The following PIEZO1 variants were observed in gnomAD, a reference collection of about 807,000 sequenced individuals.
PIEZO1 encodes the protein piezo type mechanosensitive ion channel component 1 (Er blood group).
Under a neutral mutation model 297.2 loss-of-function variants are expected in PIEZO1, and 296 were observed. The observed-to-expected ratio is 1.00, with a 90% confidence interval of 0.91 to 1.10. The LOEUF is 1.10. PIEZO1 is among the 50% of genes least tolerant of loss of function. PIEZO1 has a pLI of 0.00. For synonymous variants in PIEZO1, 2,427 were observed against 1,507.5 expected (o/e 1.61, Z -14.13); for missense variants, 5,018 against 3,455.5 (o/e 1.45, Z -11.34).
intron 1 of PIEZO1, among the ~76,000 whole-genome samples, chr16:88,763,800 C>T (rs1235163067): frequency 6.6e-6 from 1 of 152,176 alleles, no homozygotes; most frequent in Non-Finnish European, 1.5e-5. Flanking sequence ...TGGAGCTGGC[C>T]CCGCCCCCAG....
chr16:88,718,777 G>A (rs374644177), intron 44 of PIEZO1: 2 of 152,792 alleles, frequency 1.3e-5, no homozygotes, highest in African/African-American at 2.4e-5. Context: ...GGTGTGATCA[G>A]GCTTAATGCA....
Position 88,732,045 on chromosome 16 carries a change from C to T in PIEZO1, c.2992-135G>A, listed in dbSNP as rs147256227. On this transcript the variant is annotated intron_variant, in intron 21 of 50. Coordinates refer to ENST00000301015, the MANE Select transcript of PIEZO1 (RefSeq NM_001142864.4). ...GGGCATCAAGCAAGGACAGGGCCAG[C>T]GGCGCTGTCAAGAGGGCAGGAGTGG... 629 of 158,546 alleles carry T rather than the reference C, an allele frequency of 4.0e-3. 1 individual carries two copies. Among genetic ancestry groups the T allele is most frequent in the Non-Finnish European group, 5.6e-3 (492 of 87,882 alleles). 9.8% of individuals were successfully genotyped at this position (158,546 alleles called of 1,614,324 possible). A position where few individuals can be genotyped will look rare whatever the true frequency, so the allele number is the denominator to read the frequency against.
chr16:88,723,486 G>T (rs1224060587), intron 31 of PIEZO1, among the ~76,000 whole-genome samples, 158 bp from the exon 32 acceptor site: 1 of 152,258 alleles, frequency 6.6e-6, no homozygotes, highest in Non-Finnish European at 1.5e-5. Flanking sequence ...GGACCCTGAG[G>T]GGCTGTGGGG....
At chr16:88,726,085 G>A (rs1260377441) in intron 27 of PIEZO1, 199 bp downstream of exon 27, 2 of 598,456 alleles carry the variant, frequency 3.3e-6, no homozygotes, top group Non-Finnish European at 5.9e-6. Context: ...TGTGGTCTCT[G>A]ACAGACCCAG....
At position 88,738,257 on chromosome 16, in the gene PIEZO1, G is replaced by A; in HGVS notation, c.818C>T (p.Ala273Val). 2 of 1,535,872 alleles carry A rather than the reference G, an allele frequency of 1.3e-6. No individual in the cohort carries two copies. The highest frequency in any genetic ancestry group is 1.7e-6 in the Non-Finnish European group (2 of 1,146,840). ...CCAGATGCCGGCAGGCGGGAGCAGA[G>A]CCTGTGCCAAGGGCATCTGGTAGCA... ...LYCYQMPLAQ[A>V]LLPPAGIWAR... Residue 273 changes from alanine to valine, a missense_variant, in exon 7 of 51, where the codon GCT becomes GTT. Ala to Val is a moderately conservative substitution (Grantham distance 64). Coordinates refer to ENST00000301015, the MANE Select transcript of PIEZO1 (RefSeq NM_001142864.4).
At chr16:88,717,286 AC>A in intron 44 of PIEZO1, 75 bp from the exon 45 acceptor site, 1 of 1,378,776 alleles carries the variant, frequency 7.3e-7, no homozygotes. Flanking sequence ...TCTCCAGCTC[AC>A]CCAGCAGCCC....
chr16:88,783,864 T>G (rs980348038), intron 1 of PIEZO1, among the ~76,000 whole-genome samples: 1 of 152,216 alleles, frequency 6.6e-6, no homozygotes, highest in Non-Finnish European at 1.5e-5. Flanking sequence ...AAGCTAGCGC[T>G]GGGCGAGCTC....
intron 1 of PIEZO1, among the ~76,000 whole-genome samples, chr16:88,758,899 G>A (rs1906796827): frequency 6.6e-6 from 1 of 152,124 alleles, no homozygotes; most frequent in African/African-American, 2.4e-5. Context: ...ACAAGCCACA[G>A]AGAGTCAGAC....
chr16:88,773,212 C>T (rs1358151484), intron 1 of PIEZO1, among the ~76,000 whole-genome samples: 1 of 152,256 alleles, frequency 6.6e-6, no homozygotes, highest in South Asian at 2.1e-4. Context: ...CAGTAACTCC[C>T]GGCGTCACGC....
At chr16:88,783,996 C>T (rs752242683) in intron 1 of PIEZO1, among the ~76,000 whole-genome samples, 6 of 152,270 alleles carry the variant, frequency 3.9e-5, no homozygotes, top group Non-Finnish European at 8.8e-5. Context: ...TTCCATCCGA[C>T]TGCTTCCCAG....
chr16:88,723,740 G>C, intron 31 of PIEZO1, 131 bp downstream of exon 31: 2 of 626,198 alleles, frequency 3.2e-6, no homozygotes. Context: ...GGATGGGGCG[G>C]GGTGGGCTAA....
At chr16:88,755,745 CCAT>C (rs1218227637) in intron 1 of PIEZO1, among the ~76,000 whole-genome samples, 8 of 152,240 alleles carry the variant, frequency 5.3e-5, no homozygotes, top group African/African-American at 1.9e-4. Context: ...GCAGAAGGCA[CCAT>C]GAGAGGCCGG....
intron 1 of PIEZO1, among the ~76,000 whole-genome samples, chr16:88,775,300 C>T (rs1447398260): frequency 6.6e-6 from 1 of 152,168 alleles, no homozygotes; most frequent in Non-Finnish European, 1.5e-5. Context: ...AGTAGCCAGG[C>T]AGAACAAGGC....
In PIEZO1 at chr16:88,725,431, G is replaced by C. The variant is rs1176819114; in HGVS notation, c.4147C>G (p.Pro1383Ala). 5 of 1,463,238 alleles carry C rather than the reference G, an allele frequency of 3.4e-6. No homozygotes were observed. Among genetic ancestry groups the C allele is most frequent in the Admixed American group, 2.6e-5 (1 of 39,054 alleles). 90.6% of individuals were successfully genotyped at this position (1,463,238 alleles called of 1,614,324 possible). Residue 1383 changes from proline (P) to alanine (A), a missense_variant, in exon 29 of 51, where the codon CCC (proline) becomes GCC (alanine). Transcript: ENST00000301015. ...RPQDTLGPKDPGLEPGPDSPG... is the reference protein window; with the variant it reads ...RPQDTLGPKDAGLEPGPDSPG... ...CTGCACTCACCTGGCTCCAGGCCGGGGTCCTTGGGGCCCAGGGTGTCCTGG... is the reference window on the plus strand; with the variant it reads ...CTGCACTCACCTGGCTCCAGGCCGGCGTCCTTGGGGCCCAGGGTGTCCTGG...
At position 88,721,324 on chromosome 16, in the gene PIEZO1, G is replaced by T; in HGVS notation, c.5510C>A (p.Thr1837Asn). The change falls in exon 39 of 51, where the codon ACC (threonine) becomes AAC (asparagine). Residue 1837 changes from threonine to asparagine, a missense_variant. Coordinates refer to ENST00000301015, the MANE Select transcript of PIEZO1 (RefSeq NM_001142864.4). ...AEEGPGVPAATTEDHIQVEAR... is the reference protein window; with the variant it reads ...AEEGPGVPAANTEDHIQVEAR... ...TTCCACCTGAATGTGGTCTTCGGTG[G>T]TGGCCGCAGGCACCCCTGGCCCCTC... 6 of 1,546,722 alleles carry T rather than the reference G, an allele frequency of 3.9e-6. No homozygotes were observed. Among genetic ancestry groups the T allele is most frequent in the Non-Finnish European group, 5.2e-6 (6 of 1,146,714 alleles).
At chr16:88,730,525 G>C (rs1904730134) in intron 22 of PIEZO1, among the ~76,000 whole-genome samples, 2 of 151,390 alleles carry the variant, frequency 1.3e-5, no homozygotes, top group South Asian at 4.2e-4. Context: ...TTGAACCCGG[G>C]AGGCGGAGGC....
Position 88,721,245 on chromosome 16 carries a change from G to A in PIEZO1, c.5589C>T (p.Pro1863=), listed in dbSNP as rs1160324016. 2 of 1,541,878 alleles carry A rather than the reference G, an allele frequency of 1.3e-6. No individual in the cohort carries two copies. The highest frequency in any genetic ancestry group is 1.7e-6 in the Non-Finnish European group (2 of 1,146,166). ...GTAGACTGATGCGCCTCGTATCACG[G>A]GGCCTGAGCTCCACTTGGGGTTCTG... is the stretch of plus-strand genomic sequence containing the variant. ...GTPEPQVELR[P]RDTRRISLRF... The change falls in exon 39 of 51, where the codon CCC becomes CCT. Residue 1863 remains proline (P), a synonymous_variant. Coordinates refer to ENST00000301015, the MANE Select transcript of PIEZO1 (RefSeq NM_001142864.4).
rs1189628018 is a variant in PIEZO1, at chr16:88,723,079, C to T, written c.4495+16G>A. On this transcript the variant is annotated intron_variant, in intron 33 of 50. Transcript: ENST00000301015. ...CCAAGAGAGACCTCCCACTCCCCAGCCCCGGGCCCACGTACCTGCCGCTGC... is the reference window on the plus strand; with the variant it reads ...CCAAGAGAGACCTCCCACTCCCCAGTCCCGGGCCCACGTACCTGCCGCTGC... The T allele has an allele frequency of 4.5e-6, 7 of 1,546,454 alleles. No homozygotes were observed. The East Asian group carries it at 1.2e-4, about 27-fold the overall frequency.
Position 88,734,876 on chromosome 16 carries a change from TG to T in PIEZO1, c.1846del (p.Gln616ArgfsTer116). 1.3e-6 allele frequency: 2 copies of T among 1,545,524 alleles called. No individual in the cohort carries two copies. Among genetic ancestry groups the T allele is most frequent in the Non-Finnish European group, 1.8e-6 (2 of 1,142,782 alleles). On this transcript the variant is annotated frameshift_variant and splice_region_variant, in exon 14 of 51. Coordinates refer to ENST00000301015, the MANE Select transcript of PIEZO1 (RefSeq NM_001142864.4). LOFTEE classifies it high-confidence loss of function. ...FLFLLCLTLF[Q>X]VYYSLWRKLL... ...CCCCCATCCCGGCCCCCCAGCCACCTGGAAGAGGGTGAGGCAGAGCAGGAAG... is the reference window on the plus strand; with the variant it reads ...CCCCCATCCCGGCCCCCCAGCCACCTGAAGAGGGTGAGGCAGAGCAGGAAG...
Sources: gnomAD v4.1 joint callset for allele counts (sites outside exome capture counted in the v4.1 genomes callset) on GRCh38, gnomAD v4.1.1 for gene constraint, MANE v1.5 for transcripts, NCBI Gene and HGNC (gene_info 2026-07-23, HGNC 2026-07-21) for gene names.